Variants in ALDH8A1 observed in about 807,000 individuals in gnomAD.
ALDH8A1 encodes the protein aldehyde dehydrogenase 8 family member A1, also known as 2-aminomuconic semialdehyde dehydrogenase.
Under a neutral mutation model 43.3 loss-of-function variants are expected in ALDH8A1, and 39 were observed. That is an observed-to-expected ratio of 0.90 (90% CI 0.70 to 1.18). The LOEUF (loss-of-function observed/expected upper bound fraction) is 1.18. Ranked by LOEUF, ALDH8A1 falls within the 50% of genes most tolerant of loss-of-function variation. The pLI, the probability that ALDH8A1 is intolerant of heterozygous loss-of-function variation, is 0.00. For synonymous variants in ALDH8A1, 233 were observed against 243.5 expected (o/e 0.96, Z 0.40); for missense variants, 605 against 622.6 (o/e 0.97, Z 0.30).
chr6:134,939,438 C>T lies in ALDH8A1; in HGVS notation c.443-23G>A, dbSNP rs368004380. On this transcript the variant is annotated intron_variant, in intron 3 of 6. Transcript: ENST00000265605. ...CAGCTAAGGGATGAGAGCAGAAGCA[C>T]TGCCTGTGACGGCATACCCCTCTGA... 17 of 1,610,460 alleles carry T rather than the reference C, an allele frequency of 1.1e-5. No individual in the cohort carries two copies. In the African/African-American group the frequency reaches 1.7e-4, roughly 16 times the overall value.
intron 4 of ALDH8A1, among the ~76,000 whole-genome samples, chr6:134,938,821 G>A (rs543353746): frequency 1.3e-5 from 2 of 152,052 alleles, no homozygotes; most frequent in South Asian, 4.2e-4. Flanking sequence ...CTAATTTTTT[G>A]TATTTTTAGT....
chr6:134,932,771 C>T lies in ALDH8A1; in HGVS notation c.849+5G>A, dbSNP rs1297739221. The T allele has an allele frequency of 1.9e-6, 3 of 1,613,674 alleles. No individual in the cohort carries two copies. In the East Asian group the frequency reaches 6.7e-5, roughly 36 times the overall value. Reference sequence around the variant, plus strand: ...GGGGAGGGAGAAGAACCCCCGGGGACATACCTGGTTGGCAAAGCTGGACCT... The same window carrying T: ...GGGGAGGGAGAAGAACCCCCGGGGATATACCTGGTTGGCAAAGCTGGACCT... On this transcript the variant is annotated splice_donor_5th_base_variant and intron_variant, in intron 5 of 6. Coordinates refer to ENST00000265605, the MANE Select transcript of ALDH8A1 (RefSeq NM_022568.4).
intron 6 of ALDH8A1, among the ~76,000 whole-genome samples, chr6:134,928,716 G>A (rs958677499): frequency 2.0e-5 from 3 of 152,204 alleles, no homozygotes; most frequent in African/African-American, 7.2e-5. Flanking sequence ...TTTCCAAAGA[G>A]AATGTTTGCC....
intron 4 of ALDH8A1, among the ~76,000 whole-genome samples, chr6:134,934,605 G>T (rs149200839): frequency 4.7e-4 from 72 of 152,146 alleles, no homozygotes; most frequent in African/African-American, 1.7e-3. Flanking sequence ...GCCATTTTTT[G>T]AGCACGTGAT....
intron 4 of ALDH8A1, 94 bp from the exon 5 acceptor site, chr6:134,933,126 T>C: frequency 7.3e-7 from 1 of 1,368,472 alleles, no homozygotes; most frequent in African/African-American, 1.5e-5. Context: ...ATCGCTTGAA[T>C]GGGAGTGGGT....
At position 134,918,830 on chromosome 6, in the gene ALDH8A1, G is replaced by A. The variant is rs750072643; in HGVS notation, c.1049C>T (p.Ala350Val). 3 of 1,614,146 alleles carry A rather than the reference G, an allele frequency of 1.9e-6. No individual in the cohort carries two copies. Among genetic ancestry groups the A allele is most frequent in the Non-Finnish European group, 2.5e-6 (3 of 1,180,012 alleles). The change falls in exon 7 of 7, where the codon GCC (alanine) becomes GTC (valine). Residue 350 changes from alanine to valine, a missense_variant. Ala to Val is a moderately conservative substitution (Grantham distance 64). Coordinates refer to ENST00000265605, the MANE Select transcript of ALDH8A1 (RefSeq NM_022568.4). ...CACTCCCTCACCGCACCAAATTTGGGCACCTTCAGCAAGAGCTCTCTTGAC... is the reference window on the plus strand; with the variant it reads ...CACTCCCTCACCGCACCAAATTTGGACACCTTCAGCAAGAGCTCTCTTGAC... Reference protein sequence around the residue: ...SYVKRALAEGAQIWCGEGVDK... With the variant: ...SYVKRALAEGVQIWCGEGVDK...
Position 134,949,953 on chromosome 6 carries a change from TC to T in ALDH8A1, c.100del (p.Glu34LysfsTer40). ...ACTATTTGGCACTCTGCAATACACT[TC>T]CCCTGTTGATGGGTCGTAAGAATCT... ...YIDSYDPSTGEVYCRVPNSGK... is the reference protein window; with the variant it reads ...YIDSYDPSTGXVYCRVPNSGK... On this transcript the variant is annotated frameshift_variant, in exon 1 of 7. Coordinates refer to ENST00000265605, the MANE Select transcript of ALDH8A1 (RefSeq NM_022568.4). LOFTEE classifies it high-confidence loss of function. 6.2e-7 allele frequency: 1 copy of T among 1,612,286 alleles called. No homozygotes were observed. Among genetic ancestry groups the T allele is most frequent in the South Asian group, 1.1e-5 (1 of 90,400 alleles).
At chr6:134,923,949 C>T (rs1313187786) in intron 6 of ALDH8A1, among the ~76,000 whole-genome samples, 3 of 152,110 alleles carry the variant, frequency 2.0e-5, no homozygotes, top group Admixed American at 1.3e-4. Flanking sequence ...AGCCCTGACA[C>T]GAGAATCTTC....
At chr6:134,945,373 G>A (rs757624605) in intron 1 of ALDH8A1, among the ~76,000 whole-genome samples, 17 of 152,146 alleles carry the variant, frequency 1.1e-4, no homozygotes, top group Non-Finnish European at 2.4e-4. Context: ...AGGCTTTATT[G>A]GAGAAGAGGA....
Position 134,946,456 on chromosome 6 carries a change from G to GT in ALDH8A1, c.139-2491dup, listed in dbSNP as rs1265959071. Among the ~76,000 whole-genome samples, 3 of 152,188 alleles carry GT rather than the reference G, an allele frequency of 2.0e-5. No homozygotes were observed. In the East Asian group the frequency reaches 5.8e-4, roughly 29 times the overall value. On this transcript the variant is annotated intron_variant, in intron 1 of 6. Transcript: ENST00000265605. Reference sequence around the variant, plus strand: ...GCCTTATAGCACAACTTATGTCCATGTAATATAGAATACATATTAATGTAC... The same window carrying GT: ...GCCTTATAGCACAACTTATGTCCATGTTAATATAGAATACATATTAATGTAC...
In ALDH8A1 at chr6:134,947,553, G is replaced by A. The variant is rs554575285; in HGVS notation, c.138+2363C>T. ...ATACATATACAACTCAATAGCCACCGCCCAAAAAATCCAATTTAAAAACGG... is the reference window on the plus strand; with the variant it reads ...ATACATATACAACTCAATAGCCACCACCCAAAAAATCCAATTTAAAAACGG... On this transcript the variant is annotated intron_variant, in intron 1 of 6. Transcript: ENST00000265605. Among the ~76,000 whole-genome samples, 10 of 151,790 alleles carry A rather than the reference G, an allele frequency of 6.6e-5. No homozygotes were observed. The East Asian group carries it at 1.2e-3, about 18-fold the overall frequency.
chr6:134,918,872 G>A lies in ALDH8A1; in HGVS notation c.1012-5C>T, dbSNP rs148657521. 427 of 1,611,274 alleles carry A rather than the reference G, an allele frequency of 2.7e-4. 7 individuals carry two copies. The Middle Eastern group carries it at 6.1e-3, about 23-fold the overall frequency. On this transcript the variant is annotated splice_polypyrimidine_tract_variant and splice_region_variant and intron_variant, in intron 6 of 6. Transcript: ENST00000265605. ...TCTCTTGACGTAACTTCTGACCTGC[G>A]TGGGTAAAAATCATAATTAGCAATG...
intron 6 of ALDH8A1, among the ~76,000 whole-genome samples, chr6:134,923,078 T>C (rs565690629): frequency 6.6e-6 from 1 of 152,288 alleles, no homozygotes; most frequent in South Asian, 2.1e-4. Context: ...CAGGCTGGAA[T>C]TCAGTGGCGT....
intron 1 of ALDH8A1, among the ~76,000 whole-genome samples, chr6:134,948,804 C>T (rs1161980493): frequency 6.6e-6 from 1 of 152,156 alleles, no homozygotes; most frequent in Non-Finnish European, 1.5e-5. Flanking sequence ...AGTTATGAGC[C>T]ATTAGCTGCA....
At chr6:134,929,584 G>A (rs1776946405) in intron 5 of ALDH8A1, among the ~76,000 whole-genome samples, 1 of 152,130 alleles carries the variant, frequency 6.6e-6, no homozygotes, top group African/African-American at 2.4e-5. Context: ...GAAGGCATGA[G>A]ACGGGAAAAG....
chr6:134,932,838 A>C lies in ALDH8A1; in HGVS notation c.787T>G (p.Phe263Val). The C allele has an allele frequency of 6.2e-7, 1 of 1,614,226 alleles. No individual in the cohort carries two copies. Among genetic ancestry groups the C allele is most frequent in the African/African-American group, 1.3e-5 (1 of 75,064 alleles). Residue 263 changes from phenylalanine to valine, a missense_variant, in exon 5 of 7, where the codon TTT becomes GTT. Coordinates refer to ENST00000265605, the MANE Select transcript of ALDH8A1 (RefSeq NM_022568.4). ...ELGGKNPAII[F>V]EDANLDECIP... ...CACTCATCCAGGTTGGCGTCCTCAA[A>C]GATGATGGCAGGATTCTTGCCCCCC...
chr6:134,926,094 A>G (rs1349899267), intron 6 of ALDH8A1, among the ~76,000 whole-genome samples: 2 of 152,194 alleles, frequency 1.3e-5, no homozygotes, highest in African/African-American at 4.8e-5. Flanking sequence ...GTATGACCAT[A>G]CACAGCATGA....
chr6:134,919,067 T>C (rs1205695694), intron 6 of ALDH8A1, among the ~76,000 whole-genome samples, 200 bp from the exon 7 acceptor site: 1 of 152,208 alleles, frequency 6.6e-6, no homozygotes, highest in Non-Finnish European at 1.5e-5. Context: ...TCACCTTTCA[T>C]ACATAAGGGA....
chr6:134,922,613 C>G (rs912482555), intron 6 of ALDH8A1, among the ~76,000 whole-genome samples: 6 of 152,002 alleles, frequency 3.9e-5, no homozygotes, highest in Non-Finnish European at 8.8e-5. Flanking sequence ...GTCTCAAACT[C>G]CTGACCTAAA....
Sources: allele counts gnomAD v4.1 joint callset (sites outside exome capture counted in the v4.1 genomes callset), GRCh38; gene constraint gnomAD v4.1.1; transcripts MANE v1.5; gene names NCBI Gene and HGNC (gene_info 2026-07-23, HGNC 2026-07-21).